The following PTPRN2 variants were observed in gnomAD, a reference collection of about 807,000 sequenced individuals.
PTPRN2 encodes receptor-type tyrosine-protein phosphatase N2.
A neutral mutation model predicts 118.8 loss-of-function variants in PTPRN2; 74 were observed. The ratio of observed to expected loss-of-function variants is 0.62; its 90% CI spans 0.52 to 0.76. The LOEUF is 0.76. Ranked by LOEUF, PTPRN2 falls within the 30% of genes least tolerant of loss-of-function variation. The pLI, the probability that PTPRN2 is intolerant of heterozygous loss-of-function variation, is 0.00. For synonymous variants in PTPRN2, 641 were observed against 608.0 expected (o/e 1.05, Z -0.80); for missense variants, 1,481 against 1,394.4 (o/e 1.06, Z -0.99).
intron 14 of PTPRN2, among the ~76,000 whole-genome samples, chr7:157,623,914 A>G (rs1362504119): frequency 6.6e-6 from 1 of 152,216 alleles, no homozygotes; most frequent in Non-Finnish European, 1.5e-5. Flanking sequence ...TATTAAACTG[A>G]TGAAATATCC....
intron 20 of PTPRN2, among the ~76,000 whole-genome samples, chr7:157,569,793 C>T (rs74327877): frequency 0.013 from 1,957 of 152,302 alleles, 44 homozygotes; most frequent in African/African-American, 0.045. Flanking sequence ...ACATAGGGCT[C>T]GTGTTCACAC....
chr7:157,801,951 C>T lies in PTPRN2; in HGVS notation c.1788+96722G>A, dbSNP rs1249572147. ...GAAGTCAGGGCTTGGGTGGGCCGCA[C>T]GCTCTGGGGCGGCTCCTGACCTTTT... On this transcript the variant is annotated intron_variant, in intron 12 of 22. Coordinates refer to ENST00000389418, the MANE Select transcript of PTPRN2 (RefSeq NM_002847.5). The surrounding 1 kb of genome is among the most constrained non-coding windows in gnomAD (Gnocchi z 4.2). Among the ~76,000 whole-genome samples the T allele has an allele frequency of 6.6e-6, 1 of 152,168 alleles. No individual in the cohort carries two copies. Among genetic ancestry groups the T allele is most frequent in the Non-Finnish European group, 1.5e-5 (1 of 68,020 alleles).
chr7:158,200,584 T>A (rs1223371558), intron 4 of PTPRN2, among the ~76,000 whole-genome samples: 1 of 152,210 alleles, frequency 6.6e-6, no homozygotes, highest in Non-Finnish European at 1.5e-5. Context: ...TTTATAAAAG[T>A]CTGTATCCTG....
At chr7:158,134,125 AGGGCTGCCC>A in intron 8 of PTPRN2, 66 bp from the exon 9 acceptor site, 1 of 1,535,670 alleles carries the variant, frequency 6.5e-7, no homozygotes, top group Non-Finnish European at 8.8e-7. Context: ...CATGCAATCA[AGGGCTGCCC>A]GGGACAGAGT....
At chr7:158,354,732 G>A (rs1808256451) in intron 2 of PTPRN2, among the ~76,000 whole-genome samples, 1 of 152,140 alleles carries the variant, frequency 6.6e-6, no homozygotes, top group East Asian at 1.9e-4. Context: ...AGAGGGAGCT[G>A]AGTGAGAACA....
chr7:158,587,251 C>T (rs1452768434), intron 1 of PTPRN2, among the ~76,000 whole-genome samples: 8 of 127,604 alleles, frequency 6.3e-5, no homozygotes, highest in Non-Finnish European at 1.3e-4. Flanking sequence ...GCCCCTCCCC[C>T]CACGCCCCCC....
At chr7:158,116,495 A>C (rs1033733453) in intron 9 of PTPRN2, among the ~76,000 whole-genome samples, 13 of 152,248 alleles carry the variant, frequency 8.5e-5, no homozygotes, top group African/African-American at 3.1e-4. Flanking sequence ...CCCTGTGGCA[A>C]GCAGCTGTGC....
In PTPRN2 at chr7:158,407,067, T is replaced by A. The variant is rs1332737512; in HGVS notation, c.163+82668A>T. Among the ~76,000 whole-genome samples, 5 of 152,064 alleles carry A rather than the reference T, an allele frequency of 3.3e-5. No individual in the cohort carries two copies. In the East Asian group the frequency reaches 9.8e-4, roughly 30 times the overall value. ...GGGAGACCCAGCAAGAGAACCAACA[T>A]CCGCCTGTGAGGAGGTCGGGCTGCA... On this transcript the variant is annotated intron_variant, in intron 2 of 22. Transcript: ENST00000389418.
intron 12 of PTPRN2, among the ~76,000 whole-genome samples, chr7:157,719,280 C>T (rs1304688303): frequency 6.6e-6 from 1 of 152,236 alleles, no homozygotes; most frequent in African/African-American, 2.4e-5. Flanking sequence ...TTGTGCCTGA[C>T]TCACGTCTCC....
chr7:157,637,942 T>C (rs1404718993), intron 14 of PTPRN2, among the ~76,000 whole-genome samples: 3 of 152,252 alleles, frequency 2.0e-5, no homozygotes, highest in Non-Finnish European at 4.4e-5. Flanking sequence ...GATGGAGACA[T>C]GCATGTCTTC....
At position 158,015,644 on chromosome 7, in the gene PTPRN2, A is replaced by C. The variant is rs1428983960; in HGVS notation, c.1723+65654T>G. 2.0e-5 allele frequency among the ~76,000 whole-genome samples: 3 copies of C among 152,184 alleles called. No individual in the cohort carries two copies. Among genetic ancestry groups the C allele is most frequent in the Non-Finnish European group, 4.4e-5 (3 of 68,040 alleles). On this transcript the variant is annotated intron_variant, in intron 11 of 22. Transcript: ENST00000389418. This position sits in a 1 kb window ranked among gnomAD's most constrained non-coding sequence, Gnocchi z 4.2. ...CAGTTCATATTGTTAATTTTTAACT[A>C]AAGACAACTGATTTTTGCCAGTAGC... is the stretch of plus-strand genomic sequence containing the variant.
intron 5 of PTPRN2, among the ~76,000 whole-genome samples, chr7:158,171,312 T>C (rs201931785): frequency 0.24 from 7,448 of 31,308 alleles, 1,120 homozygotes; most frequent in East Asian, 0.42. Context: ...TACACACATA[T>C]ATATATATAT....
chr7:158,251,097 G>C (rs1796625964), intron 3 of PTPRN2, among the ~76,000 whole-genome samples: 1 of 151,954 alleles, frequency 6.6e-6, no homozygotes, highest in African/African-American at 2.4e-5. Context: ...GCATAGAAAG[G>C]GTAATGGGAC....
At chr7:158,246,305 T>C (rs1796243950) in intron 3 of PTPRN2, among the ~76,000 whole-genome samples, 1 of 151,320 alleles carries the variant, frequency 6.6e-6, no homozygotes, top group Non-Finnish European at 1.5e-5. Context: ...GGCAGCGTAA[T>C]GGGTGGGTCT....
At chr7:158,376,319 C>T (rs772468044) in intron 2 of PTPRN2, among the ~76,000 whole-genome samples, 8 of 150,624 alleles carry the variant, frequency 5.3e-5, no homozygotes, top group South Asian at 2.1e-4. Context: ...GACTCCCCCA[C>T]GGCCCTGTCA....
intron 1 of PTPRN2, among the ~76,000 whole-genome samples, chr7:158,569,925 C>T (rs1053925843): frequency 4.7e-4 from 72 of 152,172 alleles, no homozygotes; most frequent in Non-Finnish European, 9.0e-4. Context: ...GACAGGAGCG[C>T]GGGGCGGCGC....
At chr7:158,458,598 T>C (rs1818715959) in intron 2 of PTPRN2, among the ~76,000 whole-genome samples, 1 of 151,984 alleles carries the variant, frequency 6.6e-6, no homozygotes, top group African/African-American at 2.4e-5. Context: ...AGCATCACCC[T>C]CTCGTGCGGT....
intron 6 of PTPRN2, among the ~76,000 whole-genome samples, chr7:158,161,342 C>T (rs74465862): frequency 0.013 from 2,032 of 152,314 alleles, 49 homozygotes; most frequent in African/African-American, 0.047. Flanking sequence ...TTACGACTCA[C>T]TCCAACTCCA....
At chr7:157,608,522 A>C (rs1802138689) in intron 15 of PTPRN2, among the ~76,000 whole-genome samples, 1 of 152,186 alleles carries the variant, frequency 6.6e-6, no homozygotes, top group Non-Finnish European at 1.5e-5. Flanking sequence ...CGGAGAGTTC[A>C]TGTGCCTGGC....
Sources: gnomAD v4.1 joint callset for allele counts (sites outside exome capture counted in the v4.1 genomes callset) on GRCh38, gnomAD v4.1.1 for gene constraint, Gnocchi (gnomAD v3.1) non-coding constraint, MANE v1.5 for transcripts, NCBI Gene and HGNC (gene_info 2026-07-23, HGNC 2026-07-21) for gene names.